Variants in RAB40C observed in about 807,000 individuals in gnomAD.
The protein encoded by RAB40C is RAB40C, member RAS oncogene family.
In RAB40C, 8 loss-of-function variants were observed where a neutral mutation model predicts 28.1. The ratio of observed to expected loss-of-function variants is 0.28; its 90% CI spans 0.17 to 0.51. The LOEUF (loss-of-function observed/expected upper bound fraction) is 0.51. Ranked by LOEUF, RAB40C falls within the 20% of genes least tolerant of loss-of-function variation. The pLI, the probability that RAB40C is intolerant of heterozygous loss-of-function variation, is 0.97. For missense variants in RAB40C, 288 were observed against 405.9 expected, an observed-to-expected ratio of 0.71 and a Z score of 2.50; for synonymous variants, 201 against 171.7, an observed-to-expected ratio of 1.17 and a Z score of -1.34.
rs1271427515 is a variant in RAB40C, at chr16:610,371, G to A, written c.143-6837G>A. 6.6e-6 allele frequency among the ~76,000 whole-genome samples: 1 copy of A among 152,078 alleles called. No homozygotes were observed. The highest frequency in any genetic ancestry group is 2.4e-5 in the African/African-American group (1 of 41,386). On this transcript the variant is annotated intron_variant, in intron 1 of 5. Coordinates refer to ENST00000248139, the MANE Select transcript of RAB40C (RefSeq NM_021168.5). This position sits in a 1 kb window ranked among gnomAD's most constrained non-coding sequence, Gnocchi z 4.6. ...TTATTGGGAACAGTAAACCTGAGGT[G>A]GTGAGCAAGGCCTGTGGCACCCAGC...
chr16:626,069 C>T lies in RAB40C; in HGVS notation c.513C>T (p.Ser171=). Residue 171 remains serine, a synonymous_variant, in exon 5 of 6, where the codon TCC becomes TCT. Transcript: ENST00000248139. Reference sequence around the variant, plus strand: ...TCATCGAGTCCTTCACGGAGCTATCCCGCATCGTGCTCATGCGGCACGGCA... The same window carrying T: ...TCATCGAGTCCTTCACGGAGCTATCTCGCATCGTGCTCATGCGGCACGGCA... ...FNVIESFTEL[S]RIVLMRHGME... 1 of 1,613,380 alleles carries T rather than the reference C, an allele frequency of 6.2e-7. No homozygotes were observed. The highest frequency in any genetic ancestry group is 8.5e-7 in the Non-Finnish European group (1 of 1,179,992).
intron 3 of RAB40C, chr16:625,190 C>T (rs931066907): frequency 4.0e-5 from 57 of 1,408,198 alleles, no homozygotes; most frequent in Non-Finnish European, 4.9e-5. Flanking sequence ...GGAGGGGAAG[C>T]GGCATTTCTG....
intron 1 of RAB40C, chr16:596,380 GCC>G (rs1460804184): frequency 1.1e-5 from 5 of 455,466 alleles, no homozygotes; most frequent in Admixed American, 4.7e-5. Flanking sequence ...CTGGTCTGGA[GCC>G]CCTGCGAGCT....
At chr16:624,555 T>C in intron 3 of RAB40C, 1 of 985,442 alleles carries the variant, frequency 1.0e-6, no homozygotes, top group Non-Finnish European at 1.2e-6. Context: ...AAGATGGTTC[T>C]AAGAGGCTCT....
chr16:594,798 A>G (rs1413635683), intron 1 of RAB40C, among the ~76,000 whole-genome samples: 1 of 143,716 alleles, frequency 7.0e-6, no homozygotes, highest in Non-Finnish European at 1.5e-5. Flanking sequence ...CCTGCACTTG[A>G]TTAGGTTTTG....
At chr16:623,047 C>T (rs2036754150) in intron 3 of RAB40C, among the ~76,000 whole-genome samples, 1 of 152,164 alleles carries the variant, frequency 6.6e-6, no homozygotes, top group African/African-American at 2.4e-5. Flanking sequence ...TGCCATCGCC[C>T]CTGCCCGTAA....
In RAB40C at chr16:618,202, A is replaced by G; in HGVS notation, c.206A>G (p.Asp69Gly). The change falls in exon 3 of 6, where the codon GAC (aspartate) becomes GGC (glycine). Residue 69 changes from aspartate (D) to glycine (G), a missense_variant and splice_region_variant. This residue lies in a region of RAB40C where 153 missense variants were observed against 262.4 expected (regional missense o/e 0.58). Coordinates refer to ENST00000248139, the MANE Select transcript of RAB40C (RefSeq NM_021168.5). ...CCTCCCCTCCCCGTATGTTTCAGGG[A>G]CACGTCGGGCCAGGGCCGGTTCTGC... ...DGRRVKLELWDTSGQGRFCTI... is the reference protein window; with the variant it reads ...DGRRVKLELWGTSGQGRFCTI... The G allele has an allele frequency of 6.2e-7, 1 of 1,613,214 alleles. No individual in the cohort carries two copies. Among genetic ancestry groups the G allele is most frequent in the African/African-American group, 1.3e-5 (1 of 75,012 alleles).
chr16:593,539 C>G (rs1245845032), intron 1 of RAB40C, among the ~76,000 whole-genome samples: 2 of 152,238 alleles, frequency 1.3e-5, no homozygotes, highest in Non-Finnish European at 1.5e-5. Flanking sequence ...TGGCCCACAG[C>G]TCCTTCAGCT....
chr16:622,974 G>T (rs1319401951), intron 3 of RAB40C, among the ~76,000 whole-genome samples: 3 of 152,048 alleles, frequency 2.0e-5, no homozygotes, highest in African/African-American at 7.2e-5. Context: ...CTCACTCCGT[G>T]GTCATTTGGG....
chr16:606,676 C>A (rs2036366049), intron 1 of RAB40C, among the ~76,000 whole-genome samples: 1 of 152,246 alleles, frequency 6.6e-6, no homozygotes, highest in Admixed American at 6.5e-5. Context: ...TGGGTGCAAG[C>A]CGAGCCTTTC....
intron 1 of RAB40C, among the ~76,000 whole-genome samples, chr16:607,164 A>G (rs569719310): frequency 7.4e-4 from 112 of 152,322 alleles, no homozygotes; most frequent in Non-Finnish European, 1.3e-3. Context: ...CACAGGTGCC[A>G]CGTCCACTCC....
At chr16:624,806 C>G in intron 3 of RAB40C, 1 of 985,442 alleles carries the variant, frequency 1.0e-6, no homozygotes, top group South Asian at 4.7e-5. Flanking sequence ...GAGCAGTGTG[C>G]TCCCCTGTGC....
chr16:591,923 A>G (rs953850317), intron 1 of RAB40C, among the ~76,000 whole-genome samples: 54 of 152,276 alleles, frequency 3.5e-4, no homozygotes, highest in African/African-American at 1.1e-3. Flanking sequence ...TTCCAGTGGC[A>G]TGGCTAAAAT....
chr16:625,663 C>G, intron 4 of RAB40C, 154 bp downstream of exon 4: 3 of 902,432 alleles, frequency 3.3e-6, no homozygotes, highest in South Asian at 3.1e-5. Context: ...GCATGCTGGT[C>G]ACTGTGCACA....
At chr16:616,933 C>T (rs1430600372) in intron 1 of RAB40C, 3 of 458,818 alleles carry the variant, frequency 6.5e-6, no homozygotes, top group Non-Finnish European at 8.0e-6. Context: ...GGCTGGCCTG[C>T]TAGGCTGTGG....
At chr16:620,360 G>A (rs1019067403) in intron 3 of RAB40C, among the ~76,000 whole-genome samples, 26 of 147,780 alleles carry the variant, frequency 1.8e-4, no homozygotes, top group Admixed American at 1.4e-3. Flanking sequence ...GCCATTGCAC[G>A]CCAACCTGGG....
chr16:600,927 T>A (rs2036235834), intron 1 of RAB40C, among the ~76,000 whole-genome samples: 2 of 152,246 alleles, frequency 1.3e-5, no homozygotes, highest in South Asian at 4.1e-4. Context: ...CAGAGCCTGG[T>A]GTGTGGCAGC....
In RAB40C at chr16:606,181, G is replaced by A. The variant is rs1451030669; in HGVS notation, c.143-11027G>A. 4.1e-5 allele frequency among the ~76,000 whole-genome samples: 5 copies of A among 121,650 alleles called. No individual in the cohort carries two copies. In the East Asian group the frequency reaches 1.3e-3, roughly 32 times the overall value. 79.8% of individuals were successfully genotyped at this position (121,650 alleles called of 152,430 possible). On this transcript the variant is annotated intron_variant, in intron 1 of 5. Coordinates refer to ENST00000248139, the MANE Select transcript of RAB40C (RefSeq NM_021168.5). Reference sequence around the variant, plus strand: ...GTGTTGGCTGACACACAGTCCTCTCGGTCCTCAGTCCAGTGTGGGTTTCCC... The same window carrying A: ...GTGTTGGCTGACACACAGTCCTCTCAGTCCTCAGTCCAGTGTGGGTTTCCC...
intron 1 of RAB40C, among the ~76,000 whole-genome samples, chr16:608,824 G>A (rs561945231): frequency 6.6e-6 from 1 of 152,176 alleles, no homozygotes; most frequent in African/African-American, 2.4e-5. Flanking sequence ...CATGAGCCAA[G>A]ATTGTGCTAC....
Sources: allele counts gnomAD v4.1 joint callset (sites outside exome capture counted in the v4.1 genomes callset), GRCh38; gene constraint gnomAD v4.1.1; regional missense constraint gnomAD v4.1.1; non-coding constraint Gnocchi (gnomAD v3.1); transcripts MANE v1.5; gene names NCBI Gene and HGNC (gene_info 2026-07-23, HGNC 2026-07-21).